The following GUCY1A1 variants were observed in gnomAD, a reference collection of about 807,000 sequenced individuals.
GUCY1A1 encodes guanylate cyclase 1 soluble subunit alpha 1, also known as guanylate cyclase soluble subunit alpha-1.
In GUCY1A1, 48 loss-of-function variants were observed where a neutral mutation model predicts 64.5. That is an observed-to-expected ratio of 0.74 (90% CI 0.59 to 0.95). The LOEUF (loss-of-function observed/expected upper bound fraction) is 0.95. Among genes scored for constraint, GUCY1A1 ranks in the 40% least tolerant of loss-of-function variants. The pLI, the probability that GUCY1A1 is intolerant of heterozygous loss-of-function variation, is 0.00. For missense variants in GUCY1A1, 804 were observed against 825.3 expected, an observed-to-expected ratio of 0.97 and a Z score of 0.32; for synonymous variants, 308 against 303.4, an observed-to-expected ratio of 1.02 and a Z score of -0.16.
At chr4:155,709,116 AAC>A (rs1351217148) in intron 5 of GUCY1A1, among the ~76,000 whole-genome samples, 2 of 152,326 alleles carry the variant, frequency 1.3e-5, no homozygotes, top group East Asian at 1.9e-4. Context: ...TAAAAACACA[AAC>A]ACACTTTTCC....
intron 6 of GUCY1A1, among the ~76,000 whole-genome samples, chr4:155,711,894 A>G (rs1732615307): frequency 1.3e-5 from 2 of 152,248 alleles, no homozygotes; most frequent in African/African-American, 4.8e-5. Context: ...CTTTTCTATC[A>G]TAAAAATAAT....
At chr4:155,683,357 A>G (rs1383640759) in intron 2 of GUCY1A1, among the ~76,000 whole-genome samples, 1 of 152,310 alleles carries the variant, frequency 6.6e-6, no homozygotes, top group African/African-American at 2.4e-5. Context: ...AAATAAATGG[A>G]AAAAAATTGA....
chr4:155,699,925 G>A (rs1730867601), intron 3 of GUCY1A1, among the ~76,000 whole-genome samples: 1 of 151,972 alleles, frequency 6.6e-6, no homozygotes, highest in African/African-American at 2.4e-5. Context: ...CTCAAGTAAT[G>A]GAATACTAGA....
At chr4:155,694,721 A>G (rs1316594929) in intron 2 of GUCY1A1, among the ~76,000 whole-genome samples, 2 of 152,226 alleles carry the variant, frequency 1.3e-5, no homozygotes, top group East Asian at 1.9e-4. Flanking sequence ...CAAAGCTGAC[A>G]GTATCTATTC....
chr4:155,696,294 T>A (rs1579050556), intron 2 of GUCY1A1, among the ~76,000 whole-genome samples: 1 of 152,336 alleles, frequency 6.6e-6, no homozygotes, highest in Middle Eastern at 3.4e-3. Context: ...TTATACATAT[T>A]GTTTTGCTTT....
chr4:155,676,123 G>C (rs1369068506), intron 2 of GUCY1A1, among the ~76,000 whole-genome samples: 1 of 148,784 alleles, frequency 6.7e-6, no homozygotes, highest in Admixed American at 6.8e-5. Context: ...CTTCAATCAA[G>C]AGCATGACAC....
chr4:155,681,845 G>C (rs1735818765), intron 2 of GUCY1A1, among the ~76,000 whole-genome samples: 1 of 152,080 alleles, frequency 6.6e-6, no homozygotes, highest in African/African-American at 2.4e-5. Flanking sequence ...TCTCTAATCT[G>C]TTACACATTT....
chr4:155,730,184 G>A lies in GUCY1A1; in HGVS notation c.2026G>A (p.Glu676Lys), dbSNP rs1325110688. ...ACCATGCTTCCAAAAGAAAGATGTG[G>A]AAGATGGCAATGCCAATTTTTTAGG... ...SKPCFQKKDVEDGNANFLGKA... is the reference protein window; with the variant it reads ...SKPCFQKKDVKDGNANFLGKA... Residue 676 changes from glutamate to lysine, a missense_variant, in exon 10 of 10, where the codon GAA (glutamate) becomes AAA (lysine). Coordinates refer to ENST00000506455, the MANE Select transcript of GUCY1A1 (RefSeq NM_001130682.3). 1 of 1,611,536 alleles carries A rather than the reference G, an allele frequency of 6.2e-7. No homozygotes were observed. The highest frequency in any genetic ancestry group is 1.1e-5 in the South Asian group (1 of 91,010).
chr4:155,686,331 A>G lies in GUCY1A1; in HGVS notation c.-112-10425A>G, dbSNP rs995593550. On this transcript the variant is annotated intron_variant, in intron 2 of 9. Coordinates refer to ENST00000506455, the MANE Select transcript of GUCY1A1 (RefSeq NM_001130682.3). ...TCTCTACTAAAATACAAAAAAAAAA[A>G]TTAGCCGGGCGTGGTGGCGTGCGCC... 2.6e-5 allele frequency among the ~76,000 whole-genome samples: 4 copies of G among 152,034 alleles called. No homozygotes were observed. The South Asian group carries it at 8.3e-4, about 32-fold the overall frequency.
chr4:155,713,448 T>A lies in GUCY1A1; in HGVS notation c.1437T>A (p.Asn479Lys). 6.2e-7 allele frequency: 1 copy of A among 1,614,170 alleles called. No individual in the cohort carries two copies. The highest frequency in any genetic ancestry group is 8.5e-7 in the Non-Finnish European group (1 of 1,180,024). ...TTGTGCAAGCCAAGAAGTTCAGTAA[T>A]GTCACCATGCTCTTCTCAGACATCG... ...GQVVQAKKFSNVTMLFSDIVG... is the reference protein window; with the variant it reads ...GQVVQAKKFSKVTMLFSDIVG... The change falls in exon 7 of 10, where the codon AAT (asparagine) becomes AAA (lysine). Residue 479 changes from asparagine (N) to lysine (K), a missense_variant. Coordinates refer to ENST00000506455, the MANE Select transcript of GUCY1A1 (RefSeq NM_001130682.3).
At chr4:155,689,217 AT>A (rs1260301275) in intron 2 of GUCY1A1, among the ~76,000 whole-genome samples, 1 of 151,982 alleles carries the variant, frequency 6.6e-6, no homozygotes, top group Non-Finnish European at 1.5e-5. Context: ...TCCTTAACTC[AT>A]TTCATAATCA....
intron 2 of GUCY1A1, among the ~76,000 whole-genome samples, chr4:155,680,427 A>C (rs958570600): frequency 6.6e-6 from 1 of 151,660 alleles, no homozygotes; most frequent in African/African-American, 2.4e-5. Flanking sequence ...TTGTATATCC[A>C]CTGGGAATTC....
At position 155,696,802 on chromosome 4, in the gene GUCY1A1, T is replaced by G. The variant is rs562867423; in HGVS notation, c.-66T>G. On this transcript the variant is annotated 5_prime_UTR_variant, in exon 3 of 10. Transcript: ENST00000506455. ...TTGAATTGATAGTGGCTTCTGTTTG[T>G]CAGTCTCATATAAGAACTACAGCTC... The G allele has an allele frequency of 8.8e-6, 13 of 1,469,234 alleles. No individual in the cohort carries two copies. In the South Asian group the frequency reaches 1.6e-4, roughly 18 times the overall value. The allele number at this position is 1,469,234 out of a possible 1,614,324, so 91.0% of individuals were successfully genotyped here. A position where few individuals can be genotyped will look rare whatever the true frequency, so the allele number is the denominator to read the frequency against.
chr4:155,670,201 G>C (rs958776366), intron 2 of GUCY1A1, among the ~76,000 whole-genome samples: 38 of 151,998 alleles, frequency 2.5e-4, no homozygotes, highest in African/African-American at 9.2e-4. Flanking sequence ...ATTTACCCAA[G>C]CCACTTTTCT....
chr4:155,727,526 G>T (rs1734875551), intron 9 of GUCY1A1, among the ~76,000 whole-genome samples: 1 of 151,640 alleles, frequency 6.6e-6, no homozygotes, highest in African/African-American at 2.4e-5. Context: ...GATTATAATT[G>T]TCATTACCGT....
At chr4:155,680,790 AT>A (rs1425023086) in intron 2 of GUCY1A1, among the ~76,000 whole-genome samples, 4 of 152,126 alleles carry the variant, frequency 2.6e-5, no homozygotes, top group Non-Finnish European at 4.4e-5. Flanking sequence ...CGTTGTCTTC[AT>A]TTTGAGCAGG....
At chr4:155,715,151 C>A (rs1164892482) in intron 7 of GUCY1A1, among the ~76,000 whole-genome samples, 1 of 150,112 alleles carries the variant, frequency 6.7e-6, no homozygotes, top group African/African-American at 2.5e-5. Flanking sequence ...AGTAAATTAC[C>A]TTCTATGCCA....
intron 4 of GUCY1A1, among the ~76,000 whole-genome samples, chr4:155,704,931 G>A (rs572732130): frequency 6.6e-6 from 1 of 152,096 alleles, no homozygotes; most frequent in East Asian, 1.9e-4. Flanking sequence ...CTGTCGCCTA[G>A]GCTGGAGTGC....
intron 5 of GUCY1A1, 39 bp from the exon 6 acceptor site, chr4:155,710,503 C>T: frequency 3.5e-6 from 4 of 1,152,030 alleles, no homozygotes. Flanking sequence ...ACCAAGGTGG[C>T]ATATTTGATA....
Sources: gnomAD v4.1 joint callset for allele counts (sites outside exome capture counted in the v4.1 genomes callset) on GRCh38, gnomAD v4.1.1 for gene constraint, MANE v1.5 for transcripts, NCBI Gene and HGNC (gene_info 2026-07-23, HGNC 2026-07-21) for gene names.